Variants in CTNNA3 observed in about 807,000 individuals in gnomAD.
The protein encoded by CTNNA3 is catenin alpha 3.
A neutral mutation model predicts 95.7 loss-of-function variants in CTNNA3; 76 were observed. The ratio of observed to expected loss-of-function variants is 0.79; its 90% CI spans 0.66 to 0.96. The LOEUF (loss-of-function observed/expected upper bound fraction) is 0.96, where lower values mean the gene tolerates loss of function less well. CTNNA3 is among the 40% of genes least tolerant of loss of function. The pLI, the probability that CTNNA3 is intolerant of heterozygous loss-of-function variation, is 0.00. For synonymous variants in CTNNA3, 431 were observed against 374.4 expected (o/e 1.15, Z -1.74); for missense variants, 1,191 against 1,089.8 (o/e 1.09, Z -1.31).
At chr10:66,749,990 C>T (rs578096464) in intron 9 of CTNNA3, among the ~76,000 whole-genome samples, 4 of 152,248 alleles carry the variant, frequency 2.6e-5, no homozygotes, top group African/African-American at 9.6e-5. Flanking sequence ...TTTTCATATG[C>T]TTATTGGACA....
intron 7 of CTNNA3, among the ~76,000 whole-genome samples, chr10:66,793,950 A>G (rs1841085735): frequency 6.6e-6 from 1 of 152,188 alleles, no homozygotes; most frequent in Non-Finnish European, 1.5e-5. Context: ...AAATATAGCA[A>G]TACACAAGCA....
chr10:66,323,655 C>T (rs1337969717), intron 12 of CTNNA3, among the ~76,000 whole-genome samples: 3 of 108,922 alleles, frequency 2.8e-5, no homozygotes, highest in East Asian at 2.3e-4. Context: ...CCATCTCAAA[C>T]GAAAAAAAAA....
intron 15 of CTNNA3, among the ~76,000 whole-genome samples, chr10:66,006,445 T>C (rs1274959802): frequency 6.6e-6 from 1 of 152,054 alleles, no homozygotes; most frequent in Non-Finnish European, 1.5e-5. Context: ...CTGGACACAA[T>C]GGGAAATCTG....
chr10:67,435,145 T>C (rs1001174746), intron 5 of CTNNA3, among the ~76,000 whole-genome samples: 1 of 152,018 alleles, frequency 6.6e-6, no homozygotes, highest in African/African-American at 2.4e-5. Flanking sequence ...TGCTCAGACA[T>C]AAAGGTTTCT....
At chr10:67,381,825 G>A (rs913475312) in intron 5 of CTNNA3, among the ~76,000 whole-genome samples, 8 of 152,094 alleles carry the variant, frequency 5.3e-5, no homozygotes, top group Non-Finnish European at 8.8e-5. Context: ...TTTCTGACAG[G>A]TGAAGCCCTG....
rs571564056 is a variant in CTNNA3 at position 66,831,143 on chromosome 10, T to C, written c.1048-55619A>G. 4.6e-5 allele frequency among the ~76,000 whole-genome samples: 7 copies of C among 152,304 alleles called. No homozygotes were observed. The East Asian group carries it at 5.8e-4, about 13-fold the overall frequency. On this transcript the variant is annotated intron_variant, in intron 7 of 17. Coordinates refer to ENST00000433211, the MANE Select transcript of CTNNA3 (RefSeq NM_013266.4). ...TGGACTACTACAATAATCAATCTTA[T>C]GTCCTTCCAAATAAGTCTCTAATCT...
intron 10 of CTNNA3, among the ~76,000 whole-genome samples, chr10:66,557,713 C>T (rs1217531018): frequency 1.3e-5 from 2 of 152,096 alleles, no homozygotes; most frequent in Non-Finnish European, 2.9e-5. Flanking sequence ...ATATTTATCT[C>T]CTTACTTGGT....
chr10:66,439,585 T>A (rs1390470104), intron 11 of CTNNA3, among the ~76,000 whole-genome samples: 2 of 152,124 alleles, frequency 1.3e-5, no homozygotes, highest in South Asian at 4.1e-4. Flanking sequence ...ATAAAAATGG[T>A]AATATAACTT....
At chr10:67,753,106 A>G (rs1020038596) in intron 1 of CTNNA3, among the ~76,000 whole-genome samples, 12 of 152,170 alleles carry the variant, frequency 7.9e-5, no homozygotes, top group African/African-American at 2.9e-4. Context: ...ACAGCATGGA[A>G]CCGGTACCAA....
intron 7 of CTNNA3, among the ~76,000 whole-genome samples, chr10:67,003,192 A>G (rs1589583159): frequency 6.6e-6 from 1 of 152,146 alleles, no homozygotes; most frequent in Non-Finnish European, 1.5e-5. Context: ...GACTGCCCCA[A>G]TTATTCAGGC....
intron 14 of CTNNA3, among the ~76,000 whole-genome samples, chr10:66,073,534 A>G (rs1019733158): frequency 1.3e-5 from 2 of 152,102 alleles, no homozygotes; most frequent in Admixed American, 6.6e-5. Flanking sequence ...CTTGATTTTC[A>G]TGTTTCTCAG....
chr10:65,955,382 C>A (rs532746811), intron 17 of CTNNA3, among the ~76,000 whole-genome samples: 1 of 152,168 alleles, frequency 6.6e-6, no homozygotes, highest in South Asian at 2.1e-4. Context: ...CCTTTATTTT[C>A]TTCTCCTGCC....
intron 17 of CTNNA3, among the ~76,000 whole-genome samples, chr10:65,929,731 G>C (rs182332448): frequency 6.6e-6 from 1 of 151,854 alleles, no homozygotes; most frequent in African/African-American, 2.4e-5. Context: ...ACCACGCCCT[G>C]CTAATTTTTG....
intron 3 of CTNNA3, among the ~76,000 whole-genome samples, chr10:67,594,181 A>T (rs908869341): frequency 6.6e-6 from 1 of 152,134 alleles, no homozygotes; most frequent in Non-Finnish European, 1.5e-5. Context: ...GGCTTTTTGC[A>T]TCTATGTTCA....
intron 13 of CTNNA3, among the ~76,000 whole-genome samples, chr10:66,269,628 A>C (rs903317979): frequency 2.0e-5 from 3 of 152,172 alleles, no homozygotes; most frequent in African/African-American, 7.2e-5. Context: ...TTAATCATTA[A>C]ATTTATAGAT....
At chr10:66,313,056 T>G (rs1423276132) in intron 12 of CTNNA3, among the ~76,000 whole-genome samples, 2 of 152,130 alleles carry the variant, frequency 1.3e-5, no homozygotes, top group Admixed American at 1.3e-4. Context: ...GAAGAGAGTC[T>G]AGATTGAGAA....
chr10:66,258,146 T>C (rs575261018), intron 13 of CTNNA3, among the ~76,000 whole-genome samples: 1 of 152,158 alleles, frequency 6.6e-6, no homozygotes, highest in Non-Finnish European at 1.5e-5. Context: ...AGCAATCTAC[T>C]CCCTTATGTG....
rs7920836 is a variant in CTNNA3 at position 65,997,738 on chromosome 10, C to T, written c.2160-8941G>A. On this transcript the variant is annotated intron_variant, in intron 15 of 17. Transcript: ENST00000433211. ...TGCTGTTAAGTAAAAGAAAAACGTC[C>T]GGGAGCAGTGGCTTCTGCCTGTAAT... Among the ~76,000 whole-genome samples the T allele has an allele frequency of 6.2e-3, 945 of 152,188 alleles. 14 individuals are homozygous for T. Among genetic ancestry groups the T allele is most frequent in the African/African-American group, 0.022 (897 of 41,516 alleles).
At chr10:66,330,923 T>C (rs1038827053) in intron 12 of CTNNA3, among the ~76,000 whole-genome samples, 2 of 152,112 alleles carry the variant, frequency 1.3e-5, no homozygotes, top group South Asian at 2.1e-4. Flanking sequence ...GGGTGGTTTG[T>C]TTTTTGCTTG....
Sources: allele counts gnomAD v4.1 joint callset (sites outside exome capture counted in the v4.1 genomes callset), GRCh38; gene constraint gnomAD v4.1.1; transcripts MANE v1.5; gene names NCBI Gene and HGNC (gene_info 2026-07-23, HGNC 2026-07-21).